The following USP34 variants were observed in gnomAD, a reference collection of about 807,000 sequenced individuals.
USP34 encodes ubiquitin specific peptidase 34.
A neutral mutation model predicts 460.3 loss-of-function variants in USP34; 70 were observed. The observed-to-expected ratio is 0.15, with a 90% CI of 0.13 to 0.19. USP34 has a LOEUF of 0.19. Ranked by LOEUF, USP34 falls within the 10% of genes least tolerant of loss-of-function variation. USP34 has a pLI of 1.00. For synonymous variants in USP34, 1,647 were observed against 1,405.3 expected, an observed-to-expected ratio of 1.17 and a Z score of -3.85; for missense variants, 3,985 against 4,236.2, an observed-to-expected ratio of 0.94 and a Z score of 1.65.
chr2:61,298,891 T>G (rs930343217), intron 29 of USP34, among the ~76,000 whole-genome samples: 4 of 152,132 alleles, frequency 2.6e-5, no homozygotes, highest in Non-Finnish European at 5.9e-5. Flanking sequence ...ACATGGCATT[T>G]GCTTTCTTAT....
At chr2:61,320,918 G>A (rs998692979) in intron 21 of USP34, among the ~76,000 whole-genome samples, 36 of 152,152 alleles carry the variant, frequency 2.4e-4, no homozygotes, top group African/African-American at 7.2e-4. Context: ...GATAAGGCAC[G>A]AGAATCGCTG....
intron 8 of USP34, among the ~76,000 whole-genome samples, chr2:61,371,115 C>A (rs1357378007): frequency 6.6e-6 from 1 of 151,986 alleles, no homozygotes; most frequent in Non-Finnish European, 1.5e-5. Flanking sequence ...AATGGCAGAC[C>A]AAAGGATGGA....
intron 1 of USP34, among the ~76,000 whole-genome samples, chr2:61,457,901 G>A (rs1384893297): frequency 4.6e-5 from 7 of 152,094 alleles, no homozygotes; most frequent in Admixed American, 4.6e-4. Context: ...GAAGAGGGTG[G>A]CAAGCAAGAC....
At chr2:61,268,966 T>C (rs768354082) in intron 41 of USP34, among the ~76,000 whole-genome samples, 4 of 151,778 alleles carry the variant, frequency 2.6e-5, no homozygotes, top group Non-Finnish European at 5.9e-5. Context: ...AATAACTAAA[T>C]ATAGAAGAAA....
chr2:61,234,796 T>C (rs1422851564), intron 57 of USP34, among the ~76,000 whole-genome samples: 1 of 152,036 alleles, frequency 6.6e-6, no homozygotes, highest in Non-Finnish European at 1.5e-5. Context: ...CACACCACCA[T>C]GACCAGTTAA....
At chr2:61,391,147 G>A (rs922945922) in intron 5 of USP34, among the ~76,000 whole-genome samples, 1 of 151,812 alleles carries the variant, frequency 6.6e-6, no homozygotes, top group Non-Finnish European at 1.5e-5. Context: ...CCTTGCCTCA[G>A]TAAGAGTGAG....
intron 27 of USP34, among the ~76,000 whole-genome samples, chr2:61,302,773 C>T (rs1195473811): frequency 6.6e-6 from 1 of 152,028 alleles, no homozygotes; most frequent in Admixed American, 6.6e-5. Context: ...TTTCTATTAT[C>T]CTTTTGAATT....
chr2:61,234,044 GAA>G (rs1687994393), intron 57 of USP34, among the ~76,000 whole-genome samples: 1 of 152,058 alleles, frequency 6.6e-6, no homozygotes, highest in East Asian at 1.9e-4. Context: ...GATGAAACAA[GAA>G]AGAAAGATTA....
At chr2:61,396,681 G>T (rs552848484) in intron 3 of USP34, among the ~76,000 whole-genome samples, 1 of 151,994 alleles carries the variant, frequency 6.6e-6, no homozygotes, top group East Asian at 1.9e-4. Context: ...GTAGAGACAG[G>T]GTTTCACCGT....
At position 61,280,276 on chromosome 2, in the gene USP34, C is replaced by T. The variant is rs1204240885; in HGVS notation, c.5224G>A (p.Val1742Ile). The change falls in exon 39 of 80, where the codon GTT becomes ATT. Residue 1742 changes from valine to isoleucine, a missense_variant. Physicochemically the swap from Val to Ile is conservative, Grantham distance 29. Coordinates refer to ENST00000398571, the MANE Select transcript of USP34 (RefSeq NM_014709.4). ...GCGTCCTTTATATGTATGTTGTCAA[C>T]TAATTTGCATAACAACCAAAAATAC... The part of the protein sequence containing the change: ...KEYFWLLCKL[V>I]DNIHIKDASQ... 3 of 1,563,620 alleles carry T rather than the reference C, an allele frequency of 1.9e-6. No individual in the cohort carries two copies. Among genetic ancestry groups the T allele is most frequent in the East Asian group, 2.4e-5 (1 of 41,944 alleles).
chr2:61,355,755 C>T (rs1317306777), intron 10 of USP34, among the ~76,000 whole-genome samples: 1 of 152,054 alleles, frequency 6.6e-6, no homozygotes, highest in Non-Finnish European at 1.5e-5. Flanking sequence ...AAGTTTGTCC[C>T]TCTTTATGAG....
At position 61,319,179 on chromosome 2, in the gene USP34, C is replaced by T; in HGVS notation, c.3162G>A (p.Leu1054=). Residue 1054 remains leucine (L), a synonymous_variant, in exon 22 of 80, where the codon CTG becomes CTA. Transcript: ENST00000398571. ...CTGAGAGAAATGTAATTACCTTCTCCAGGAAAAGATGTTTGTAGGTTTCCA... is the reference window on the plus strand; with the variant it reads ...CTGAGAGAAATGTAATTACCTTCTCTAGGAAAAGATGTTTGTAGGTTTCCA... ...MGMETYKHLF[L]EKMPQLKPET... 3 of 1,555,794 alleles carry T rather than the reference C, an allele frequency of 1.9e-6. No individual in the cohort carries two copies. Among genetic ancestry groups the T allele is most frequent in the African/African-American group, 1.4e-5 (1 of 71,350 alleles).
chr2:61,225,996 C>G (rs149497219), intron 62 of USP34, among the ~76,000 whole-genome samples: 28 of 152,134 alleles, frequency 1.8e-4, no homozygotes, highest in African/African-American at 6.7e-4. Flanking sequence ...GCTATATTGC[C>G]CAAACTGGAC....
At chr2:61,254,427 G>A (rs1688666436) in intron 48 of USP34, among the ~76,000 whole-genome samples, 3 of 152,116 alleles carry the variant, frequency 2.0e-5, no homozygotes, top group Admixed American at 2.0e-4. Flanking sequence ...TGATGCCATC[G>A]TGTTACCAAT....
At chr2:61,467,979 T>C (rs13411361) in intron 1 of USP34, among the ~76,000 whole-genome samples, 2,864 of 152,116 alleles carry the variant, frequency 0.019, 85 homozygotes, top group African/African-American at 0.064. Context: ...TTGTACAAGG[T>C]ACAGGCGGGA....
At chr2:61,444,976 CAGT>C (rs1695067641) in intron 1 of USP34, among the ~76,000 whole-genome samples, 1 of 147,190 alleles carries the variant, frequency 6.8e-6, no homozygotes, top group African/African-American at 2.5e-5. Flanking sequence ...AAAGAAGTAA[CAGT>C]AAAACCGATA....
At chr2:61,224,309 A>C (rs1687669972) in intron 62 of USP34, among the ~76,000 whole-genome samples, 1 of 152,194 alleles carries the variant, frequency 6.6e-6, no homozygotes, top group Non-Finnish European at 1.5e-5. Flanking sequence ...TGCTGATTGT[A>C]TCCTTATGGT....
rs371736177 is a variant in USP34 at position 61,193,735 on chromosome 2, T to TGGA, written c.9509-758_9509-756dup. On this transcript the variant is annotated intron_variant, in intron 75 of 79. Transcript: ENST00000398571. ...AGGGTCCCCAGGGCAAGTATAATCATGGAGAAGAAGAAATATAACACAGAC... is the reference window on the plus strand; with the variant it reads ...AGGGTCCCCAGGGCAAGTATAATCATGGAGGAGAAGAAGAAATATAACACAGAC... 2.0e-3 allele frequency among the ~76,000 whole-genome samples: 303 copies of TGGA among 152,262 alleles called. 1 individual carries two copies. Among genetic ancestry groups the TGGA allele is most frequent in the Middle Eastern group, 0.01 (3 of 294 alleles).
In USP34 at chr2:61,339,531, A is replaced by C. The variant is rs757851000; in HGVS notation, c.2616+35T>G. The C allele has an allele frequency of 4.5e-6, 7 of 1,563,418 alleles. No homozygotes were observed. In the Admixed American group the frequency reaches 1.2e-4, roughly 27 times the overall value. ...TTTATCCTAATTGCATCTTGCTGAAATTTCTTACTCTTCTGGTTCTATTAA... is the reference window on the plus strand; with the variant it reads ...TTTATCCTAATTGCATCTTGCTGAACTTTCTTACTCTTCTGGTTCTATTAA... On this transcript the variant is annotated intron_variant, in intron 17 of 79. Coordinates refer to ENST00000398571, the MANE Select transcript of USP34 (RefSeq NM_014709.4).
Sources: allele counts gnomAD v4.1 joint callset (sites outside exome capture counted in the v4.1 genomes callset), GRCh38; gene constraint gnomAD v4.1.1; transcripts MANE v1.5; gene names NCBI Gene and HGNC (gene_info 2026-07-23, HGNC 2026-07-21).